The following KCNIP4 variants were observed in gnomAD, a reference collection of about 807,000 sequenced individuals.
The protein encoded by KCNIP4 is Kv channel-interacting protein 4.
Under a neutral mutation model 34.0 loss-of-function variants are expected in KCNIP4, and 12 were observed. The observed-to-expected ratio is 0.35, with a 90% CI of 0.23 to 0.57. The LOEUF (loss-of-function observed/expected upper bound fraction) is 0.57. Ranked by LOEUF, KCNIP4 falls within the 20% of genes least tolerant of loss-of-function variation. KCNIP4 has a pLI of 0.83. For synonymous variants in KCNIP4, 124 were observed against 102.2 expected, an observed-to-expected ratio of 1.21 and a Z score of -1.29; for missense variants, 238 against 311.7, an observed-to-expected ratio of 0.76 and a Z score of 1.78.
At chr4:21,595,982 C>A (rs905637183) in intron 1 of KCNIP4, among the ~76,000 whole-genome samples, 1 of 152,080 alleles carries the variant, frequency 6.6e-6, no homozygotes. Context: ...TGTGTTGAAG[C>A]ACAGAGAAAG....
intron 1 of KCNIP4, among the ~76,000 whole-genome samples, chr4:21,012,764 C>T (rs78731074): frequency 0.018 from 2,697 of 152,240 alleles, 83 homozygotes; most frequent in African/African-American, 0.061. Context: ...ATCTAAGCAA[C>T]CTTACAAATT....
chr4:21,228,012 A>G (rs1758529501), intron 1 of KCNIP4, among the ~76,000 whole-genome samples: 1 of 152,226 alleles, frequency 6.6e-6, no homozygotes, highest in Non-Finnish European at 1.5e-5. Flanking sequence ...ACTTATGTGT[A>G]CTGCAACAAT....
At chr4:21,108,978 C>T (rs1245163916) in intron 1 of KCNIP4, among the ~76,000 whole-genome samples, 1 of 152,150 alleles carries the variant, frequency 6.6e-6, no homozygotes, top group Non-Finnish European at 1.5e-5. Flanking sequence ...CAGAGGAGTA[C>T]CCAGCCGTGT....
intron 1 of KCNIP4, among the ~76,000 whole-genome samples, chr4:21,591,078 T>G (rs1254160384): frequency 6.6e-6 from 1 of 151,826 alleles, no homozygotes; most frequent in African/African-American, 2.4e-5. Context: ...TAAAAAAAAT[T>G]GACAATATTT....
chr4:21,089,672 C>T (rs981313490), intron 1 of KCNIP4, among the ~76,000 whole-genome samples: 2 of 151,998 alleles, frequency 1.3e-5, no homozygotes, highest in East Asian at 3.9e-4. Context: ...ATCTTGTTTG[C>T]TCACTTCTCT....
At chr4:21,859,145 A>C (rs918304257) in intron 1 of KCNIP4, among the ~76,000 whole-genome samples, 1 of 152,190 alleles carries the variant, frequency 6.6e-6, no homozygotes, top group Non-Finnish European at 1.5e-5. Flanking sequence ...CCAAACATAA[A>C]TAAACAATCT....
At position 21,648,991 on chromosome 4, in the gene KCNIP4, G is replaced by A. The variant is rs184598661; in HGVS notation, c.61+299580C>T. ...TATACTCTAGCTCGTGTTCAGTATC[G>A]AGTCTATAATGACTTAACATTCTCA... is the stretch of plus-strand genomic sequence containing the variant. On this transcript the variant is annotated intron_variant, in intron 1 of 8. Transcript: ENST00000382152. Among the ~76,000 whole-genome samples the A allele has an allele frequency of 5.9e-5, 9 of 152,146 alleles. No individual in the cohort carries two copies. The East Asian group carries it at 1.2e-3, about 20-fold the overall frequency.
At chr4:20,996,110 A>G (rs1004350792) in intron 1 of KCNIP4, among the ~76,000 whole-genome samples, 3 of 152,078 alleles carry the variant, frequency 2.0e-5, no homozygotes, top group Admixed American at 6.5e-5. Context: ...AATATGCAAG[A>G]CCCTAAACAA....
intron 3 of KCNIP4, among the ~76,000 whole-genome samples, chr4:20,772,636 C>CTCTT (rs1224617898): frequency 6.6e-6 from 1 of 151,030 alleles, no homozygotes; most frequent in Non-Finnish European, 1.5e-5. Context: ...CTTTCTCTCT[C>CTCTT]TCTTTCTTTC....
At chr4:21,076,865 G>C (rs1745534370) in intron 1 of KCNIP4, among the ~76,000 whole-genome samples, 2 of 152,170 alleles carry the variant, frequency 1.3e-5, no homozygotes, top group Non-Finnish European at 2.9e-5. Flanking sequence ...GCTAGTGCTT[G>C]TAATCCCAGC....
chr4:21,717,586 T>C (rs1016698698), intron 1 of KCNIP4, among the ~76,000 whole-genome samples: 10 of 152,152 alleles, frequency 6.6e-5, no homozygotes, highest in African/African-American at 2.2e-4. Context: ...TGACCACCTA[T>C]ATTCAAATGG....
chr4:21,400,205 A>G (rs1723353839), intron 1 of KCNIP4, among the ~76,000 whole-genome samples: 1 of 152,140 alleles, frequency 6.6e-6, no homozygotes, highest in East Asian at 1.9e-4. Context: ...CATTGTGCAG[A>G]ACATTGCAGG....
intron 1 of KCNIP4, among the ~76,000 whole-genome samples, chr4:21,208,001 C>A (rs1347006096): frequency 6.6e-6 from 1 of 151,754 alleles, no homozygotes; most frequent in Non-Finnish European, 1.5e-5. Flanking sequence ...CGCCACCAGG[C>A]CCACATAATT....
chr4:21,947,214 A>T (rs1730557253), intron 1 of KCNIP4, among the ~76,000 whole-genome samples: 1 of 152,174 alleles, frequency 6.6e-6, no homozygotes, highest in Non-Finnish European at 1.5e-5. Flanking sequence ...AAAACTACTC[A>T]GCCCTCTACA....
chr4:21,432,260 A>G (rs664565), intron 1 of KCNIP4, among the ~76,000 whole-genome samples: 149,803 of 150,560 alleles, frequency 0.99, 74,527 homozygotes, highest in Middle Eastern at 1. Context: ...GCGAGGAAAA[A>G]TGTAGATTAG....
chr4:21,638,194 T>G (rs763689198), intron 1 of KCNIP4, among the ~76,000 whole-genome samples: 22 of 152,116 alleles, frequency 1.4e-4, no homozygotes, highest in Admixed American at 6.6e-4. Context: ...ATATCCATAT[T>G]GATGGATACC....
At chr4:21,509,367 C>A (rs1218240388) in intron 1 of KCNIP4, among the ~76,000 whole-genome samples, 1 of 152,096 alleles carries the variant, frequency 6.6e-6, no homozygotes, top group Non-Finnish European at 1.5e-5. Context: ...TGTCATACAT[C>A]CATTATAATA....
intron 1 of KCNIP4, among the ~76,000 whole-genome samples, chr4:21,735,761 G>A (rs1004691333): frequency 2.0e-5 from 3 of 152,120 alleles, no homozygotes; most frequent in Non-Finnish European, 4.4e-5. Context: ...TCTGTCACGC[G>A]AAGAATGGGG....
At chr4:21,541,291 G>C in intron 1 of KCNIP4, among the ~76,000 whole-genome samples, 1 of 151,932 alleles carries the variant, frequency 6.6e-6, no homozygotes, top group East Asian at 1.9e-4. Flanking sequence ...ACTGCAGTCT[G>C]ATAAAATTCC....
Sources: allele counts gnomAD v4.1 joint callset (sites outside exome capture counted in the v4.1 genomes callset), GRCh38; gene constraint gnomAD v4.1.1; transcripts MANE v1.5; gene names NCBI Gene and HGNC (gene_info 2026-07-23, HGNC 2026-07-21).